The following LGR4 variants were observed in gnomAD, a reference collection of about 807,000 sequenced individuals.
LGR4 encodes the protein leucine rich repeat containing G protein-coupled receptor 4.
In LGR4, 44 loss-of-function variants were observed where a neutral mutation model predicts 84.8. The observed-to-expected ratio is 0.52, with a 90% CI of 0.41 to 0.67. The LOEUF is 0.67. LGR4 is among the 30% of genes least tolerant of loss of function. The probability of loss-of-function intolerance (pLI) is 0.00; values close to 1 mark genes in which losing one functional copy is unlikely to be tolerated. For synonymous variants in LGR4, 429 were observed against 434.3 expected (o/e 0.99, Z 0.15); for missense variants, 1,032 against 1,131.4 (o/e 0.91, Z 1.26).
At chr11:27,402,596 C>G (rs1863525008) in intron 2 of LGR4, among the ~76,000 whole-genome samples, 2 of 152,178 alleles carry the variant, frequency 1.3e-5, no homozygotes, top group South Asian at 4.1e-4. Flanking sequence ...AACTACTCTT[C>G]TTTTCTTACC....
intron 1 of LGR4, among the ~76,000 whole-genome samples, chr11:27,443,753 TA>T (rs1467579676): frequency 6.6e-6 from 1 of 152,162 alleles, no homozygotes; most frequent in Non-Finnish European, 1.5e-5. Flanking sequence ...CAGAGTTCTA[TA>T]AAAATAAACT....
intron 1 of LGR4, among the ~76,000 whole-genome samples, chr11:27,438,008 T>G (rs573871077): frequency 6.6e-6 from 1 of 151,542 alleles, no homozygotes; most frequent in Non-Finnish European, 1.5e-5. Flanking sequence ...ACAGCAAGAC[T>G]CTCCACCCGC....
chr11:27,400,649 C>T (rs1863482337), intron 2 of LGR4, among the ~76,000 whole-genome samples: 2 of 151,838 alleles, frequency 1.3e-5, no homozygotes, highest in South Asian at 4.2e-4. Context: ...ATTACAGGCG[C>T]CCGCCACTAT....
At chr11:27,466,039 C>A (rs769850609) in intron 1 of LGR4, among the ~76,000 whole-genome samples, 2 of 152,130 alleles carry the variant, frequency 1.3e-5, no homozygotes, top group Admixed American at 6.5e-5. Context: ...GAAGGCCGCA[C>A]GGGACGGTTA....
intron 2 of LGR4, among the ~76,000 whole-genome samples, chr11:27,411,363 A>G (rs1863707779): frequency 6.6e-6 from 1 of 151,992 alleles, no homozygotes; most frequent in South Asian, 2.1e-4. Flanking sequence ...TAACTTTATT[A>G]CAAAATAATT....
At chr11:27,380,856 C>T (rs1565072596) in intron 8 of LGR4, 39 bp downstream of exon 8, 2 of 1,309,602 alleles carry the variant, frequency 1.5e-6, no homozygotes, top group Middle Eastern at 1.8e-4. Context: ...CACAGCTTCA[C>T]ATAATTATAC....
chr11:27,372,431 C>G, intron 15 of LGR4, 33 bp from the exon 16 acceptor site: 1 of 1,156,834 alleles, frequency 8.6e-7, no homozygotes, highest in Non-Finnish European at 1.3e-6. Flanking sequence ...CTACACTGAA[C>G]AGCAACTCCG....
At chr11:27,390,075 C>T (rs1863255206) in intron 4 of LGR4, among the ~76,000 whole-genome samples, 1 of 152,072 alleles carries the variant, frequency 6.6e-6, no homozygotes, top group South Asian at 2.1e-4. Context: ...TTTTCACATT[C>T]ATTGCTCATT....
At chr11:27,445,696 G>A (rs914022290) in intron 1 of LGR4, among the ~76,000 whole-genome samples, 1 of 152,080 alleles carries the variant, frequency 6.6e-6, no homozygotes, top group South Asian at 2.1e-4. Flanking sequence ...AGGCAAGACA[G>A]TAAGACCTCG....
intron 2 of LGR4, among the ~76,000 whole-genome samples, chr11:27,400,647 C>T (rs976092808): frequency 9.2e-5 from 14 of 151,510 alleles, no homozygotes; most frequent in African/African-American, 2.4e-4. Context: ...GGATTACAGG[C>T]GCCCGCCACT....
chr11:27,384,156 C>A, intron 6 of LGR4, 180 bp downstream of exon 6: 1 of 504,476 alleles, frequency 2.0e-6, no homozygotes, highest in South Asian at 3.1e-5. Context: ...CCATTTTTAG[C>A]CATGGACTTA....
chr11:27,417,927 A>T (rs1863850643), intron 1 of LGR4, among the ~76,000 whole-genome samples: 1 of 152,188 alleles, frequency 6.6e-6, no homozygotes, highest in Non-Finnish European at 1.5e-5. Flanking sequence ...TTAGCAGCCC[A>T]TACATCATGG....
Position 27,380,253 on chromosome 11 carries a change from T to A in LGR4, c.971+18A>T, listed in dbSNP as rs1863066102. On this transcript the variant is annotated intron_variant, in intron 10 of 17. Coordinates refer to ENST00000379214, the MANE Select transcript of LGR4 (RefSeq NM_018490.5). ...AGTGTTATCTTTATACAACCCCTCT[T>A]CAAAGGGCCTTACTTACAGACTTTC... The A allele has an allele frequency of 1.3e-6, 2 of 1,562,946 alleles. No homozygotes were observed. Among genetic ancestry groups the A allele is most frequent in the Non-Finnish European group, 1.8e-6 (2 of 1,140,666 alleles).
At chr11:27,391,714 G>C (rs980329894) in intron 3 of LGR4, among the ~76,000 whole-genome samples, 3 of 152,114 alleles carry the variant, frequency 2.0e-5, no homozygotes, top group Non-Finnish European at 2.9e-5. Flanking sequence ...TCATCTACTA[G>C]TTAGGGCCTG....
rs1863081316 is a variant in LGR4, at chr11:27,380,936, G to A, written c.789C>T (p.Ile263=). ...GATTACCATCAAATGCTCCATCAGG[G>A]ATAACAGAAATAGAATTACTATGAA... is the stretch of plus-strand genomic sequence containing the variant. ...LGFHSNSISV[I]PDGAFDGNPL... The change falls in exon 8 of 18, where the codon ATC becomes ATT. Residue 263 remains isoleucine, a synonymous_variant. Transcript: ENST00000379214. The A allele has an allele frequency of 1.3e-6, 2 of 1,554,304 alleles. No homozygotes were observed. Among genetic ancestry groups the A allele is most frequent in the Non-Finnish European group, 1.8e-6 (2 of 1,126,098 alleles).
At chr11:27,376,849 G>C (rs1339238868) in intron 12 of LGR4, among the ~76,000 whole-genome samples, 3 of 152,186 alleles carry the variant, frequency 2.0e-5, no homozygotes, top group Non-Finnish European at 4.4e-5. Flanking sequence ...CACAGGACAT[G>C]ATGGGAACTG....
intron 4 of LGR4, among the ~76,000 whole-genome samples, chr11:27,389,985 T>C (rs957189130): frequency 3.3e-5 from 5 of 152,310 alleles, no homozygotes; most frequent in African/African-American, 7.2e-5. Context: ...CAACTAAGAA[T>C]TGAATGGCCA....
intron 4 of LGR4, 108 bp from the exon 5 acceptor site, chr11:27,385,576 T>C (rs1392148133): frequency 3.0e-6 from 2 of 663,656 alleles, no homozygotes; most frequent in Non-Finnish European, 5.0e-6. Flanking sequence ...ATAAAAATTA[T>C]CATCTTTAAT....
intron 1 of LGR4, 34 bp downstream of exon 1, chr11:27,472,080 TCCTC>T: frequency 8.5e-7 from 1 of 1,175,474 alleles, no homozygotes; most frequent in Non-Finnish European, 1.1e-6. Context: ...GGGCCCCGTT[TCCTC>T]CCCCCCCCTC....
Sources: gnomAD v4.1 joint callset for allele counts (sites outside exome capture counted in the v4.1 genomes callset) on GRCh38, gnomAD v4.1.1 for gene constraint, MANE v1.5 for transcripts, NCBI Gene and HGNC (gene_info 2026-07-23, HGNC 2026-07-21) for gene names.